Variants in NEDD9 observed in about 807,000 individuals in gnomAD.
NEDD9 encodes enhancer of filamentation 1.
A neutral mutation model predicts 76.6 loss-of-function variants in NEDD9; 26 were observed. The ratio of observed to expected loss-of-function variants is 0.34; its 90% confidence interval spans 0.25 to 0.47. NEDD9 has a LOEUF of 0.47. Ranked by LOEUF, NEDD9 falls within the 20% of genes least tolerant of loss-of-function variation. NEDD9 has a pLI of 1.00. For missense variants in NEDD9, 937 were observed against 1,058.5 expected (o/e 0.89, Z 1.59); for synonymous variants, 392 against 414.2 (o/e 0.95, Z 0.65).
chr6:11,312,695 TA>T (rs34874880), intron 2 of NEDD9, among the ~76,000 whole-genome samples: 49,443 of 124,854 alleles, frequency 0.4, 8,783 homozygotes, highest in East Asian at 0.7. Context: ...ATATATATTA[TA>T]TATATATATA....
At position 11,213,483 on chromosome 6, in the gene NEDD9, A is replaced by G; in HGVS notation, c.257T>C (p.Phe86Ser). 6.2e-7 allele frequency: 1 copy of G among 1,614,010 alleles called. No individual in the cohort carries two copies. The highest frequency in any genetic ancestry group is 1.7e-5 in the Admixed American group (1 of 60,010). The change falls in exon 2 of 7, where the codon TTT (phenylalanine) becomes TCT (serine). Residue 86 changes from phenylalanine to serine, a missense_variant. Physicochemically the swap from Phe to Ser is radical, Grantham distance 155 (BLOSUM62 -2). Coordinates refer to ENST00000379446, the MANE Select transcript of NEDD9 (RefSeq NM_006403.4). The surrounding 1 kb of genome is among the most constrained non-coding windows in gnomAD (Gnocchi z 5.4). ...QPASGLMQQT[F>S]GQQKLYQVPN... ...CACTTGATAGAGCTTCTGTTGGCCA[A>G]AGGTCTGCTGCATCAGTCCAGAGGC...
intron 3 of NEDD9, among the ~76,000 whole-genome samples, chr6:11,299,241 G>A (rs1230655857): frequency 3.9e-5 from 6 of 152,180 alleles, no homozygotes; most frequent in Non-Finnish European, 8.8e-5. Context: ...CACTGCTAGC[G>A]CTGCAGTCTG....
At chr6:11,204,086 A>T (rs1384021163) in intron 2 of NEDD9, among the ~76,000 whole-genome samples, 1 of 152,216 alleles carries the variant, frequency 6.6e-6, no homozygotes, top group Non-Finnish European at 1.5e-5. Flanking sequence ...AAAGATCATT[A>T]GAGATAATCT....
chr6:11,377,293 C>T (rs1471887291), intron 1 of NEDD9, among the ~76,000 whole-genome samples: 1 of 152,248 alleles, frequency 6.6e-6, no homozygotes, highest in African/African-American at 2.4e-5. Context: ...TCACTGGCAG[C>T]TTGCACCCTT....
At position 11,241,903 on chromosome 6, in the gene NEDD9, G is replaced by A. The variant is rs1038522089; in HGVS notation, c.13-28176C>T. Among the ~76,000 whole-genome samples the A allele has an allele frequency of 7.2e-5, 11 of 152,208 alleles. No individual in the cohort carries two copies. The highest frequency in any genetic ancestry group is 1.2e-4 in the Non-Finnish European group (8 of 68,032). Reference sequence around the variant, plus strand: ...GCTCGTGAGCGCATGAAAGGAATCCGGATAATACAAGGCCTGGTGGAGAGG... The same window carrying A: ...GCTCGTGAGCGCATGAAAGGAATCCAGATAATACAAGGCCTGGTGGAGAGG... On this transcript the variant is annotated intron_variant, in intron 3 of 3. Coordinates refer to the NEDD9 transcript ENST00000397378. The surrounding 1 kb of genome is among the most constrained non-coding windows in gnomAD (Gnocchi z 4.0).
chr6:11,372,075 T>C (rs976849647), intron 1 of NEDD9, among the ~76,000 whole-genome samples: 4 of 152,198 alleles, frequency 2.6e-5, no homozygotes, highest in African/African-American at 7.2e-5. Context: ...TACTAGGTCT[T>C]ACTCATTCTT....
intron 1 of NEDD9, among the ~76,000 whole-genome samples, chr6:11,373,960 C>T (rs1290602500): frequency 6.6e-6 from 1 of 152,162 alleles, no homozygotes; most frequent in Non-Finnish European, 1.5e-5. Flanking sequence ...GTCAGTTCTT[C>T]CCTGATCTCC....
At chr6:11,196,470 A>G (rs561619158) in intron 2 of NEDD9, among the ~76,000 whole-genome samples, 1 of 152,304 alleles carries the variant, frequency 6.6e-6, no homozygotes, top group Non-Finnish European at 1.5e-5. Context: ...GCCTTTGTGG[A>G]TCTTCCCTGG....
chr6:11,190,909 G>T lies in NEDD9; in HGVS notation c.960C>A (p.Pro320=). 6.2e-7 allele frequency: 1 copy of T among 1,614,072 alleles called. No individual in the cohort carries two copies. The highest frequency in any genetic ancestry group is 8.5e-7 in the Non-Finnish European group (1 of 1,180,016). ...GTGGCTCAAGAAACTGAACGCCTCGGGGGACATCATATGCGTCGTTCTGAG... is the reference window on the plus strand; with the variant it reads ...GTGGCTCAAGAAACTGAACGCCTCGTGGGACATCATATGCGTCGTTCTGAG... ...VGSQNDAYDV[P]RGVQFLEPPA... Residue 320 remains proline, a synonymous_variant, in exon 5 of 7, where the codon CCC becomes CCA. Coordinates refer to ENST00000379446, the MANE Select transcript of NEDD9 (RefSeq NM_006403.4). The surrounding 1 kb of genome is among the most constrained non-coding windows in gnomAD (Gnocchi z 5.8).
intron 1 of NEDD9, among the ~76,000 whole-genome samples, chr6:11,379,547 C>G (rs572432978): frequency 6.6e-6 from 1 of 152,130 alleles, no homozygotes; most frequent in Admixed American, 6.5e-5. Context: ...ACACTGCACT[C>G]TAGCCTGGGT....
At chr6:11,336,046 A>G (rs938541343) in intron 1 of NEDD9, among the ~76,000 whole-genome samples, 2 of 152,166 alleles carry the variant, frequency 1.3e-5, no homozygotes, top group Non-Finnish European at 2.9e-5. Context: ...GAGACACGAC[A>G]TGCCCCAGGA....
intron 1 of NEDD9, among the ~76,000 whole-genome samples, chr6:11,226,255 GTT>G (rs369460319): frequency 1.3e-5 from 2 of 151,390 alleles, no homozygotes; most frequent in African/African-American, 4.8e-5. Context: ...TATAAACAGG[GTT>G]TTTTTTTGTG....
Position 11,190,681 on chromosome 6 carries a change from T to C in NEDD9, c.1188A>G (p.Pro396=). 6.2e-7 allele frequency: 1 copy of C among 1,614,120 alleles called. No homozygotes were observed. Among genetic ancestry groups the C allele is most frequent in the Non-Finnish European group, 8.5e-7 (1 of 1,180,014 alleles). The change falls in exon 5 of 7, where the codon CCA becomes CCG. Residue 396 remains proline, a synonymous_variant. Transcript: ENST00000379446. The surrounding 1 kb of genome is among the most constrained non-coding windows in gnomAD (Gnocchi z 5.8). ...SSKESSLSAS[P]AQDKRLFLDP... ...CCAGGAAGAGCCTTTTGTCCTGAGC[T>C]GGGGAGGCTGACAGTGAGGACTCCT...
chr6:11,259,536 T>C (rs568952910), intron 3 of NEDD9, among the ~76,000 whole-genome samples: 1 of 152,362 alleles, frequency 6.6e-6, no homozygotes, highest in African/African-American at 2.4e-5. Context: ...TAATTTAATC[T>C]GAGTGCTCTA....
intron 1 of NEDD9, among the ~76,000 whole-genome samples, chr6:11,217,830 C>G (rs1006421702): frequency 8.5e-5 from 13 of 152,214 alleles, no homozygotes; most frequent in Admixed American, 2.0e-4. Context: ...TGAGCCCTAT[C>G]TGAGGGAACC....
At chr6:11,244,264 C>A (rs1484645164) in intron 3 of NEDD9, among the ~76,000 whole-genome samples, 1 of 151,956 alleles carries the variant, frequency 6.6e-6, no homozygotes, top group Non-Finnish European at 1.5e-5. Flanking sequence ...TCTCTTTACA[C>A]ACACACACAC....
intron 1 of NEDD9, among the ~76,000 whole-genome samples, chr6:11,351,464 T>G (rs1762468112): frequency 6.6e-6 from 1 of 152,188 alleles, no homozygotes; most frequent in African/African-American, 2.4e-5. Context: ...GAAAGGCCAC[T>G]CTCACCTTCC....
intron 1 of NEDD9, among the ~76,000 whole-genome samples, chr6:11,354,309 T>A (rs1379996397): frequency 6.6e-6 from 1 of 152,000 alleles, no homozygotes; most frequent in East Asian, 1.9e-4. Context: ...AGAACATGAG[T>A]CACCAGCTCC....
chr6:11,305,104 T>G (rs1761146125), intron 3 of NEDD9: 2 of 1,289,052 alleles, frequency 1.6e-6, no homozygotes, highest in Admixed American at 2.3e-5. Context: ...GGGCTGTTCT[T>G]GGCTTGATAC....
Sources: gnomAD v4.1 joint callset for allele counts (sites outside exome capture counted in the v4.1 genomes callset) on GRCh38, gnomAD v4.1.1 for gene constraint, Gnocchi (gnomAD v3.1) non-coding constraint, MANE v1.5 for transcripts, NCBI Gene and HGNC (gene_info 2026-07-23, HGNC 2026-07-21) for gene names.